Variants in SMIM10L3 observed in about 807,000 individuals in gnomAD.
SMIM10L3 encodes small integral membrane protein 10 like 3, also known as salivary gland specific protein SAGSIN1.
chr7:6,331,007 G>A, the SMIM10L3 span: 1 of 1,614,134 alleles, frequency 6.2e-7, no homozygotes, highest in Non-Finnish European at 8.5e-7. Context: ...TCAACCACAG[G>A]CTTATTCATC....
the SMIM10L3 span, among the ~76,000 whole-genome samples, chr7:6,332,334 A>C: frequency 6.6e-6 from 1 of 152,118 alleles, no homozygotes. Context: ...TAATTAAACT[A>C]ATTAAATTAG....
chr7:6,337,077 T>TC, the SMIM10L3 span, among the ~76,000 whole-genome samples: 1 of 152,008 alleles, frequency 6.6e-6, no homozygotes, highest in East Asian at 1.9e-4. Flanking sequence ...TTAATTCTTT[T>TC]TTTTTTTTTG....
the SMIM10L3 span, among the ~76,000 whole-genome samples, chr7:6,340,933 TCCTG>T: frequency 9.6e-6 from 1 of 104,702 alleles, no homozygotes; most frequent in Non-Finnish European, 1.9e-5. Context: ...AAAGCTGTCA[TCCTG>T]CCTAACATGG....
At chr7:6,343,278 G>A in the SMIM10L3 span, among the ~76,000 whole-genome samples, 1 of 150,910 alleles carries the variant, frequency 6.6e-6, no homozygotes, top group Non-Finnish European at 1.5e-5. Flanking sequence ...TCAGGAGGCT[G>A]AGGCAGGAGA....
At chr7:6,330,936 G>GC in the SMIM10L3 span, 1 of 1,614,216 alleles carries the variant, frequency 6.2e-7, no homozygotes, top group South Asian at 1.1e-5. Context: ...GAAGCCAGAG[G>GC]CCAGCCCCGC....
At chr7:6,333,390 TG>T in the SMIM10L3 span, among the ~76,000 whole-genome samples, 1 of 152,034 alleles carries the variant, frequency 6.6e-6, no homozygotes, top group African/African-American at 2.4e-5. Flanking sequence ...ATGGACAGAC[TG>T]CAAATGGTTC....
chr7:6,331,738 CTTTT>C, the SMIM10L3 span, among the ~76,000 whole-genome samples: 69 of 117,724 alleles, frequency 5.9e-4, 1 homozygote, highest in African/African-American at 1.3e-3. Context: ...ATAATAGAGG[CTTTT>C]TTTTTTTTTT....
the SMIM10L3 span, among the ~76,000 whole-genome samples, chr7:6,341,336 G>A: frequency 2.6e-5 from 4 of 151,456 alleles, no homozygotes; most frequent in East Asian, 7.7e-4. Flanking sequence ...CCAGCTACTC[G>A]GGAGGCTGAG....
At chr7:6,345,565 A>G in the SMIM10L3 span, among the ~76,000 whole-genome samples, 2 of 152,168 alleles carry the variant, frequency 1.3e-5, no homozygotes, top group Admixed American at 1.3e-4. Flanking sequence ...AACTGTTTCA[A>G]TGGTAAAGAG....
chr7:6,343,103 G>A, the SMIM10L3 span, among the ~76,000 whole-genome samples: 1 of 151,296 alleles, frequency 6.6e-6, no homozygotes, highest in African/African-American at 2.4e-5. Context: ...TTGGCCAGGT[G>A]CAGTGGCTTA....
the SMIM10L3 span, among the ~76,000 whole-genome samples, chr7:6,347,886 A>G: frequency 1.6e-5 from 1 of 61,678 alleles, no homozygotes. Context: ...AGACCCCTTT[A>G]TTATTATTAT....
the SMIM10L3 span, among the ~76,000 whole-genome samples, chr7:6,338,999 C>G: frequency 6.6e-6 from 1 of 152,182 alleles, no homozygotes; most frequent in East Asian, 1.9e-4. Flanking sequence ...ACTCACTGTG[C>G]TCATGGCCCA....
the SMIM10L3 span, among the ~76,000 whole-genome samples, chr7:6,339,489 TG>T: frequency 2.6e-5 from 4 of 151,288 alleles, no homozygotes; most frequent in Non-Finnish European, 5.9e-5. Flanking sequence ...CCCCTTTTTT[TG>T]TTTTTTTTTT....
chr7:6,331,072 C>G, the SMIM10L3 span: 2 of 1,613,650 alleles, frequency 1.2e-6, no homozygotes, highest in Non-Finnish European at 1.7e-6. Context: ...CTTAAGGCTG[C>G]ATGATAGTTT....
At chr7:6,336,682 C>CAAA in the SMIM10L3 span, among the ~76,000 whole-genome samples, 2 of 122,954 alleles carry the variant, frequency 1.6e-5, no homozygotes, top group East Asian at 2.3e-4. Flanking sequence ...AGACTTTGTC[C>CAAA]AAAAAAAAAA....
the SMIM10L3 span, chr7:6,330,382 T>C: frequency 1.9e-6 from 3 of 1,610,218 alleles, no homozygotes; most frequent in Admixed American, 1.7e-5. Flanking sequence ...ACCTTAACTA[T>C]GGCATAATGT....
At chr7:6,341,441 C>G in the SMIM10L3 span, among the ~76,000 whole-genome samples, 1 of 142,694 alleles carries the variant, frequency 7.0e-6, no homozygotes, top group Non-Finnish European at 1.5e-5. Context: ...GACTCTGTCT[C>G]AAAAAAATAA....
chr7:6,347,883 TTTATTATTATTATTATTA>T, the SMIM10L3 span, among the ~76,000 whole-genome samples: 12 of 131,538 alleles, frequency 9.1e-5, no homozygotes, highest in South Asian at 2.6e-4. Context: ...ACGAGACCCC[TTTATTATTATTATTATTA>T]TTATTATTAT....
chr7:6,336,769 C>T, the SMIM10L3 span, among the ~76,000 whole-genome samples: 4 of 151,566 alleles, frequency 2.6e-5, no homozygotes, highest in Non-Finnish European at 5.9e-5. Flanking sequence ...ATCACCTCAC[C>T]TTAGCCTCCC....
Sources: gnomAD v4.1 joint callset for allele counts (sites outside exome capture counted in the v4.1 genomes callset) on GRCh38, gnomAD v4.1.1 for gene constraint, MANE v1.5 for transcripts, NCBI Gene and HGNC (gene_info 2026-07-23, HGNC 2026-07-21) for gene names.